DNAH3: variants seen among roughly 807,000 people sequenced by gnomAD.
DNAH3 encodes the protein axonemal beta dynein heavy chain 3.
A neutral mutation model predicts 432.5 loss-of-function variants in DNAH3; 332 were observed. The observed-to-expected ratio is 0.77, with a 90% CI of 0.70 to 0.84. The LOEUF is 0.84. Ranked by LOEUF, DNAH3 falls within the 40% of genes least tolerant of loss-of-function variation. The probability of loss-of-function intolerance (pLI) is 0.00; values close to 1 mark genes in which losing one functional copy is unlikely to be tolerated. For synonymous variants in DNAH3, 1,956 were observed against 1,900.2 expected, an observed-to-expected ratio of 1.03 and a Z score of -0.76; for missense variants, 4,861 against 5,114.0, an observed-to-expected ratio of 0.95 and a Z score of 1.51.
intron 54 of DNAH3, among the ~76,000 whole-genome samples, chr16:20,958,152 A>G (rs2084659562): frequency 6.7e-6 from 1 of 150,208 alleles, no homozygotes; most frequent in East Asian, 2.0e-4. Flanking sequence ...TGCTCACTGC[A>G]GGCTCGACTT....
At chr16:21,095,333 G>A (rs1005308655) in intron 18 of DNAH3, among the ~76,000 whole-genome samples, 14 of 152,196 alleles carry the variant, frequency 9.2e-5, no homozygotes, top group African/African-American at 3.4e-4. Context: ...TTAAGCTGGT[G>A]TATCCATAGA....
chr16:20,960,512 C>T (rs981587185), intron 53 of DNAH3, among the ~76,000 whole-genome samples: 31 of 152,284 alleles, frequency 2.0e-4, no homozygotes, highest in African/African-American at 7.0e-4. Flanking sequence ...ATGGTGAAAC[C>T]CCATCTCTAC....
At chr16:21,140,569 A>G in exon 5 of DNAH3, 1 of 1,613,966 alleles carries the variant, frequency 6.2e-7, no homozygotes, top group Non-Finnish European at 8.5e-7. Flanking sequence ...TCTTTTCTTT[A>G]CTTTCCATTT....
chr16:20,944,147 A>G (rs1230621280), intron 58 of DNAH3, among the ~76,000 whole-genome samples: 1 of 148,362 alleles, frequency 6.7e-6, no homozygotes, highest in Non-Finnish European at 1.5e-5. Context: ...AATCTTTTAA[A>G]TTAAAAAAAA....
At chr16:21,145,396 G>A in exon 3 of DNAH3, 2 of 1,613,926 alleles carry the variant, frequency 1.2e-6, no homozygotes, top group East Asian at 4.5e-5. Context: ...AAAGCTGTGT[G>A]ACATGACAGT....
chr16:20,938,255 C>T (rs1040591893), intron 59 of DNAH3, among the ~76,000 whole-genome samples: 51 of 152,052 alleles, frequency 3.4e-4, no homozygotes, highest in African/African-American at 1.2e-3. Flanking sequence ...GCTGAGCATG[C>T]GCGCCTGTAA....
intron 1 of DNAH3, among the ~76,000 whole-genome samples, chr16:21,157,455 G>A (rs903862216): frequency 7.3e-5 from 11 of 150,094 alleles, no homozygotes; most frequent in African/African-American, 2.7e-4. Context: ...TCAGCCTCCC[G>A]AGTAGCTGGG....
intron 31 of DNAH3, among the ~76,000 whole-genome samples, chr16:21,043,410 C>T (rs949879723): frequency 3.0e-5 from 4 of 134,470 alleles, no homozygotes; most frequent in African/African-American, 1.2e-4. Context: ...ATTTGCATTT[C>T]TCTGATGGCC....
At chr16:20,967,117 T>C (rs538403353) in intron 52 of DNAH3, among the ~76,000 whole-genome samples, 1 of 152,278 alleles carries the variant, frequency 6.6e-6, no homozygotes, top group African/African-American at 2.4e-5. Context: ...CCATTCCTAA[T>C]TACAAGAGGA....
exon 48 of DNAH3, chr16:20,985,427 C>T (rs376902629): frequency 6.8e-6 from 11 of 1,614,048 alleles, no homozygotes; most frequent in African/African-American, 6.7e-5. Context: ...CTTTGCCGCC[C>T]GCTGCCCCCT....
At chr16:21,146,800 A>T (rs2092790205) in intron 1 of DNAH3, among the ~76,000 whole-genome samples, 1 of 148,766 alleles carries the variant, frequency 6.7e-6, no homozygotes, top group Non-Finnish European at 1.5e-5. Flanking sequence ...TTGCTCTGTC[A>T]CCCAGGCTGG....
chr16:20,956,425 G>A (rs2084568524), intron 54 of DNAH3, among the ~76,000 whole-genome samples: 2 of 152,150 alleles, frequency 1.3e-5, no homozygotes, highest in African/African-American at 4.8e-5. Context: ...CACTGAGGCT[G>A]ACTACCCATG....
chr16:21,087,323 T>C (rs189259094), intron 18 of DNAH3, among the ~76,000 whole-genome samples: 542 of 152,320 alleles, frequency 3.6e-3, no homozygotes, highest in African/African-American at 0.012. Context: ...TGAGATAATA[T>C]ACAGTGGCTA....
At chr16:20,985,559 C>T in exon 48 of DNAH3, 1 of 1,614,198 alleles carries the variant, frequency 6.2e-7, no homozygotes. Context: ...TTGTTGAATT[C>T]TTCCAGATAG....
intron 20 of DNAH3, among the ~76,000 whole-genome samples, chr16:21,081,184 G>A (rs898424355): frequency 1.3e-5 from 2 of 152,120 alleles, no homozygotes; most frequent in Admixed American, 1.3e-4. Context: ...CCCCCAGAGT[G>A]CTGAAATTAC....
Position 20,964,588 on chromosome 16 carries a change from T to C in DNAH3, c.9296A>G (p.Asn3099Ser), listed in dbSNP as rs2084968699. Residue 3099 changes from asparagine to serine, a missense_variant, in exon 53 of 62, where the codon AAT becomes AGT. Asn to Ser is a conservative substitution (Grantham distance 46). Coordinates refer to ENST00000261383, the Ensembl canonical transcript of DNAH3. ...AGAGAACTTGATGACAGCCAGTTTA[T>C]TCGCCTTCTCCATGTTCTTAATCCA... The C allele has an allele frequency of 2.5e-6, 4 of 1,614,084 alleles. No homozygotes were observed. The highest frequency in any genetic ancestry group is 3.4e-6 in the Non-Finnish European group (4 of 1,180,038).
chr16:21,036,301 G>C (rs891525633), intron 35 of DNAH3, among the ~76,000 whole-genome samples: 4 of 152,154 alleles, frequency 2.6e-5, no homozygotes, highest in Non-Finnish European at 5.9e-5. Flanking sequence ...ACTCCAGCCT[G>C]GGCAACAGAG....
At chr16:21,049,217 G>T (rs925718587) in intron 31 of DNAH3, among the ~76,000 whole-genome samples, 6 of 152,090 alleles carry the variant, frequency 3.9e-5, no homozygotes, top group Non-Finnish European at 7.4e-5. Context: ...TCCCACCTTG[G>T]CCTCCCAAAG....
Position 20,934,829 on chromosome 16 carries a change from AT to A in DNAH3, c.11997+518del, listed in dbSNP as rs2083531362. The stretch of plus-strand genomic sequence containing the variant: ...TTCAAAGGCTAATCAAGTTAAGTTC[AT>A]TCATAAACTGATTTAAGACATAGGG... On this transcript the variant is annotated intron_variant, in intron 61 of 61. Transcript: ENST00000261383. Among the ~76,000 whole-genome samples, 4 of 152,262 alleles carry A rather than the reference AT, an allele frequency of 2.6e-5. No individual in the cohort carries two copies. In the South Asian group the frequency reaches 8.3e-4, roughly 32 times the overall value.
Sources: allele counts gnomAD v4.1 joint callset (sites outside exome capture counted in the v4.1 genomes callset), GRCh38; gene constraint gnomAD v4.1.1; transcripts MANE v1.5; gene names NCBI Gene and HGNC (gene_info 2026-07-23, HGNC 2026-07-21).